NOX4: variants seen among roughly 807,000 people sequenced by gnomAD.
NOX4 encodes the protein NADPH oxidase 4.
In NOX4, 69 loss-of-function variants were observed where a neutral mutation model predicts 87.6. The observed-to-expected ratio is 0.79, with a 90% CI of 0.65 to 0.96. The LOEUF is 0.96. Ranked by LOEUF, NOX4 falls within the 40% of genes least tolerant of loss-of-function variation. NOX4 has a pLI of 0.00. For synonymous variants in NOX4, 275 were observed against 238.2 expected (o/e 1.15, Z -1.42); for missense variants, 680 against 681.5 (o/e 1.00, Z 0.02).
At chr11:89,374,844 G>A (rs1446186317) in intron 11 of NOX4, among the ~76,000 whole-genome samples, 1 of 152,182 alleles carries the variant, frequency 6.6e-6, no homozygotes, top group Non-Finnish European at 1.5e-5. Context: ...GAAGGGCCCT[G>A]TGATTAGCGA....
intron 8 of NOX4, among the ~76,000 whole-genome samples, chr11:89,405,103 T>TGTGTGTGTGTGC (rs1181589698): frequency 2.9e-4 from 44 of 151,674 alleles, no homozygotes; most frequent in African/African-American, 1.1e-3. Flanking sequence ...TGTGTGTGTG[T>TGTGTGTGTGTGC]GTGTGTGTGT....
chr11:89,491,579 T>C (rs2289122), upstream of NOX4: 1,086 of 325,706 alleles, frequency 3.3e-3, 21 homozygotes, highest in East Asian at 0.045. Context: ...GAGCCTGTTG[T>C]TGTGGCTGCT....
chr11:89,337,798 C>T, intron 15 of NOX4, among the ~76,000 whole-genome samples: 1 of 151,994 alleles, frequency 6.6e-6, no homozygotes. Context: ...ATGCTGAATG[C>T]TGTACAAATA....
chr11:89,333,024 G>T (rs1483209048), intron 17 of NOX4, among the ~76,000 whole-genome samples: 1 of 151,814 alleles, frequency 6.6e-6, no homozygotes, highest in Non-Finnish European at 1.5e-5. Flanking sequence ...TACCTGTTGA[G>T]CCAGCAATTC....
At chr11:89,441,651 A>G (rs1944459403) in intron 5 of NOX4, among the ~76,000 whole-genome samples, 1 of 152,190 alleles carries the variant, frequency 6.6e-6, no homozygotes, top group Non-Finnish European at 1.5e-5. Context: ...ACCCATAAAA[A>G]TATCATATGG....
chr11:89,564,284 C>T, the NOX4 span, among the ~76,000 whole-genome samples: 1 of 152,032 alleles, frequency 6.6e-6, no homozygotes, highest in East Asian at 1.9e-4. Context: ...GCTGGGGAGG[C>T]CTCAGGAAAA....
the NOX4 span, among the ~76,000 whole-genome samples, chr11:89,564,872 C>T: frequency 6.6e-6 from 1 of 151,962 alleles, no homozygotes; most frequent in Non-Finnish European, 1.5e-5. Flanking sequence ...CCAGATCTTA[C>T]AATTGCAGCT....
intron 12 of NOX4, among the ~76,000 whole-genome samples, chr11:89,370,630 A>C (rs1939368746): frequency 6.6e-6 from 1 of 152,056 alleles, no homozygotes; most frequent in African/African-American, 2.4e-5. Context: ...TTAAAAGAGA[A>C]ATCTACTTGG....
intron 12 of NOX4, among the ~76,000 whole-genome samples, chr11:89,371,026 C>G (rs1939399587): frequency 6.6e-6 from 1 of 151,976 alleles, no homozygotes; most frequent in Admixed American, 6.6e-5. Flanking sequence ...GATATTCAAC[C>G]TCTTAGGTAT....
chr11:89,469,362 G>A (rs577223048), intron 2 of NOX4, among the ~76,000 whole-genome samples: 25 of 152,134 alleles, frequency 1.6e-4, no homozygotes, highest in African/African-American at 4.6e-4. Context: ...TAAAAATAAC[G>A]AAAACTTAAA....
intron 8 of NOX4, among the ~76,000 whole-genome samples, chr11:89,414,099 A>C (rs1431720081): frequency 6.6e-6 from 1 of 152,064 alleles, no homozygotes; most frequent in African/African-American, 2.4e-5. Context: ...AGGAAGCTCT[A>C]TAAAAAACTG....
Position 89,405,080 on chromosome 11 carries a change from T to TTGTGTGTGTGTGTGTGTGTGTGTG in NOX4, c.630-2562_630-2539dup, listed in dbSNP as rs71472257. Among the ~76,000 whole-genome samples, 1,131 of 133,230 alleles carry TTGTGTGTGTGTGTGTGTGTGTGTG rather than the reference T, an allele frequency of 8.5e-3. 15 individuals are homozygous for TTGTGTGTGTGTGTGTGTGTGTGTG. The highest frequency in any genetic ancestry group is 0.012 in the Non-Finnish European group (763 of 62,848). The allele number at this position is 133,230 out of a possible 152,430, so 87.4% of individuals were successfully genotyped here. ...GGGTTCAAAATAAACAAAAGTCAGA[T>TTGTGTGTGTGTGTGTGTGTGTGTG]TGTGTGTGTGTGTGTGTGTGTGTGT... is the stretch of plus-strand genomic sequence containing the variant. On this transcript the variant is annotated intron_variant, in intron 8 of 17. Coordinates refer to ENST00000263317, the MANE Select transcript of NOX4 (RefSeq NM_016931.5).
Position 89,402,480 on chromosome 11 carries a change from C to A in NOX4, c.692G>T (p.Arg231Leu), listed in dbSNP as rs749553467. 6.2e-7 allele frequency: 1 copy of A among 1,611,146 alleles called. No homozygotes were observed. The highest frequency in any genetic ancestry group is 1.1e-5 in the South Asian group (1 of 90,554). ...TAAGGAAATATTCTGAGAGCTGGTT[C>A]GGTTAAGACTGATGCAGCCGGGAGG... ...THPPGCISLNRTSSQNISLPE... is the reference protein window; with the variant it reads ...THPPGCISLNLTSSQNISLPE... Residue 231 changes from arginine (R) to leucine (L), a missense_variant, in exon 9 of 18, where the codon CGA becomes CTA. Physicochemically the swap from Arg to Leu is moderately radical, Grantham distance 102. Transcript: ENST00000263317.
chr11:89,379,372 T>TAA (rs201827736), intron 11 of NOX4, among the ~76,000 whole-genome samples: 2 of 145,952 alleles, frequency 1.4e-5, no homozygotes, highest in East Asian at 2.0e-4. Context: ...GGCTCATCAT[T>TAA]AAAAAAAAAA....
chr11:89,361,170 T>C (rs182443996), intron 12 of NOX4, among the ~76,000 whole-genome samples: 17 of 152,016 alleles, frequency 1.1e-4, no homozygotes, highest in African/African-American at 3.4e-4. Flanking sequence ...AGCAGCACAA[T>C]TCACAACAAT....
the NOX4 span, among the ~76,000 whole-genome samples, chr11:89,578,847 T>C: frequency 6.6e-6 from 1 of 152,338 alleles, no homozygotes; most frequent in East Asian, 1.9e-4. Context: ...ACAAGGAATT[T>C]CACATGAGTA....
the NOX4 span, among the ~76,000 whole-genome samples, chr11:89,555,767 C>T: frequency 6.6e-6 from 1 of 151,938 alleles, no homozygotes; most frequent in African/African-American, 2.4e-5. Flanking sequence ...AATCAGGAAC[C>T]ATGTATGTGT....
intron 8 of NOX4, among the ~76,000 whole-genome samples, chr11:89,414,201 A>G (rs1180822442): frequency 1.3e-5 from 2 of 152,068 alleles, no homozygotes; most frequent in Non-Finnish European, 2.9e-5. Flanking sequence ...TAAAGTCAAA[A>G]TACCAAAATG....
At chr11:89,529,063 G>A in the NOX4 span, among the ~76,000 whole-genome samples, 1 of 152,068 alleles carries the variant, frequency 6.6e-6, no homozygotes, top group Non-Finnish European at 1.5e-5. Flanking sequence ...CCCAGAAAGT[G>A]TAGAAAGAGA....
Sources: gnomAD v4.1 joint callset for allele counts (sites outside exome capture counted in the v4.1 genomes callset) on GRCh38, gnomAD v4.1.1 for gene constraint, MANE v1.5 for transcripts, NCBI Gene and HGNC (gene_info 2026-07-23, HGNC 2026-07-21) for gene names.